CSMD1: variants seen among roughly 807,000 people sequenced by gnomAD.
CSMD1 encodes the protein CUB and Sushi multiple domains 1.
A neutral mutation model predicts 417.5 loss-of-function variants in CSMD1; 213 were observed. The ratio of observed to expected loss-of-function variants is 0.51; its 90% CI spans 0.46 to 0.57. CSMD1 has a LOEUF of 0.57. Among genes scored for constraint, CSMD1 ranks in the 20% least tolerant of loss-of-function variants. The probability of loss-of-function intolerance (pLI) is 0.00; values close to 1 mark genes in which losing one functional copy is unlikely to be tolerated. For missense variants in CSMD1, 6,923 were observed against 4,529.7 expected, an observed-to-expected ratio of 1.53 and a Z score of -15.17; for synonymous variants, 2,862 against 1,736.8, an observed-to-expected ratio of 1.65 and a Z score of -16.11.
intron 54 of CSMD1, 40 bp downstream of exon 54, chr8:2,997,971 C>T (rs950834809): frequency 1.3e-6 from 2 of 1,592,540 alleles, no homozygotes; most frequent in Non-Finnish European, 1.7e-6. Context: ...GCCTAGAACA[C>T]TCTCAGAGCA....
intron 3 of CSMD1, among the ~76,000 whole-genome samples, chr8:4,068,804 C>A (rs1223427429): frequency 1.2e-4 from 18 of 152,110 alleles, no homozygotes; most frequent in Non-Finnish European, 1.5e-5. Context: ...AAACTACTGA[C>A]ATGAATTCAT....
Position 3,108,661 on chromosome 8 carries a change from G to T in CSMD1, c.6696C>A (p.Val2232=). Residue 2232 remains valine (V), a synonymous_variant, in exon 44 of 70, where the codon GTC becomes GTA. Transcript: ENST00000635120. ...AAAAGTCGCTGTGGAACTTGAGCAG[G>T]ACTTGGTTGGTGGAGCTATACGCCG... ...LETAYSSTNQ[V]LLKFHSDFSN... 6.2e-7 allele frequency: 1 copy of T among 1,613,790 alleles called. No homozygotes were observed.
chr8:3,560,549 T>G (rs1223639645), intron 10 of CSMD1, among the ~76,000 whole-genome samples: 1 of 152,114 alleles, frequency 6.6e-6, no homozygotes, highest in African/African-American at 2.4e-5. Context: ...GCAGCTCCTC[T>G]GAGTTATAAA....
At position 4,452,975 on chromosome 8, in the gene CSMD1, T is replaced by C. The variant is rs5000539; in HGVS notation, c.303-32910A>G. ...ATTTTTCAATTTAAGCTTTTGTTTC[T>C]GGAGTTGCAGAGACTGTTTCCCACA... is the stretch of plus-strand genomic sequence containing the variant. On this transcript the variant is annotated intron_variant, in intron 2 of 69. Coordinates refer to ENST00000635120, the MANE Select transcript of CSMD1 (RefSeq NM_033225.6). Among the ~76,000 whole-genome samples, 940 of 152,286 alleles carry C rather than the reference T, an allele frequency of 6.2e-3. 9 individuals carry two copies. The highest frequency in any genetic ancestry group is 0.022 in the African/African-American group (911 of 41,540).
chr8:3,494,021 T>C (rs924136696), intron 10 of CSMD1, among the ~76,000 whole-genome samples: 3 of 152,222 alleles, frequency 2.0e-5, no homozygotes, highest in African/African-American at 7.2e-5. Context: ...AATGTTTACT[T>C]TAACATTCTC....
chr8:3,388,827 T>G (rs1258767166), intron 17 of CSMD1, among the ~76,000 whole-genome samples: 2 of 151,686 alleles, frequency 1.3e-5, no homozygotes, highest in African/African-American at 2.4e-5. Flanking sequence ...GGATATCATT[T>G]GGCTAGAAAT....
rs562296620 is a variant in CSMD1 at position 3,289,397 on chromosome 8, G to A, written c.3951-5051C>T. Among the ~76,000 whole-genome samples the A allele has an allele frequency of 2.3e-4, 34 of 147,376 alleles. 1 individual carries two copies. Among genetic ancestry groups the A allele is most frequent in the Admixed American group, 1.9e-3 (29 of 15,020 alleles). ...TCTAGTTCTAGATCCCTGAGGAATCGCCACACTGACTTCACAATGGTTGAA... is the reference window on the plus strand; with the variant it reads ...TCTAGTTCTAGATCCCTGAGGAATCACCACACTGACTTCACAATGGTTGAA... On this transcript the variant is annotated intron_variant, in intron 25 of 69. Transcript: ENST00000635120.
chr8:4,595,387 C>CTTTTTTTTTTTTTTTTTCTTTTTTTT, intron 2 of CSMD1, among the ~76,000 whole-genome samples: 2 of 147,338 alleles, frequency 1.4e-5, no homozygotes, highest in Non-Finnish European at 3.0e-5. Flanking sequence ...CATTCATTTT[C>CTTTTTTTTTTTTTTTTTCTTTTTTTT]ATTCCATCCA....
intron 25 of CSMD1, among the ~76,000 whole-genome samples, chr8:3,306,599 G>C (rs1243487554): frequency 1.3e-5 from 2 of 152,052 alleles, no homozygotes; most frequent in Non-Finnish European, 2.9e-5. Flanking sequence ...GCAGATTAAG[G>C]CTATTGGAGG....
At chr8:3,784,206 CAATAAAT>C (rs1395198188) in intron 5 of CSMD1, among the ~76,000 whole-genome samples, 1 of 152,040 alleles carries the variant, frequency 6.6e-6, no homozygotes, top group African/African-American at 2.4e-5. Context: ...GGTGGGTACC[CAATAAAT>C]AACAAATTAT....
chr8:4,199,101 G>A (rs1799503896), intron 3 of CSMD1, among the ~76,000 whole-genome samples: 1 of 152,118 alleles, frequency 6.6e-6, no homozygotes, highest in Non-Finnish European at 1.5e-5. Flanking sequence ...AGCTCACCCT[G>A]AGCTTCTGCT....
rs1291824645 is a variant in CSMD1, at chr8:3,599,157, GTGTGTC to G, written c.1098-12903_1098-12898del. Reference sequence around the variant, plus strand: ...TGTGTGTGTGTGTGTGTGTCTGTGTGTGTGTCTGTGTGTGTGTGTGTGTGAGATGAG... The same window carrying G: ...TGTGTGTGTGTGTGTGTGTCTGTGTGTGTGTGTGTGTGTGTGTGAGATGAG... On this transcript the variant is annotated intron_variant, in intron 8 of 69. Coordinates refer to ENST00000635120, the MANE Select transcript of CSMD1 (RefSeq NM_033225.6). Among the ~76,000 whole-genome samples the G allele has an allele frequency of 8.0e-4, 109 of 136,186 alleles. 1 individual carries two copies. The highest frequency in any genetic ancestry group is 3.8e-3 in the Middle Eastern group (1 of 264). The allele number at this position is 136,186 out of a possible 152,430, so 89.3% of individuals were successfully genotyped here. A position where few individuals can be genotyped will look rare whatever the true frequency, so the allele number is the denominator to read the frequency against.
chr8:3,372,782 G>C (rs545640457), intron 18 of CSMD1, among the ~76,000 whole-genome samples: 1 of 152,250 alleles, frequency 6.6e-6, no homozygotes, highest in East Asian at 1.9e-4. Context: ...TAGGTCTGGA[G>C]GCCATGGAAG....
chr8:3,316,085 C>G (rs530087490), intron 23 of CSMD1, among the ~76,000 whole-genome samples: 2 of 152,216 alleles, frequency 1.3e-5, no homozygotes, highest in South Asian at 2.1e-4. Flanking sequence ...AGTGGGGGAA[C>G]TTGGGGCAAG....
At chr8:3,202,109 A>G (rs555668085) in intron 31 of CSMD1, among the ~76,000 whole-genome samples, 3 of 152,290 alleles carry the variant, frequency 2.0e-5, no homozygotes, top group Non-Finnish European at 2.9e-5. Context: ...CGAAGGTTGC[A>G]ATGAGCTGAG....
chr8:4,654,186 C>A (rs1804081764), intron 1 of CSMD1, among the ~76,000 whole-genome samples: 1 of 152,098 alleles, frequency 6.6e-6, no homozygotes. Context: ...TTGACCTACT[C>A]TTCTGGAGTA....
At chr8:3,823,976 G>A (rs140404832) in intron 5 of CSMD1, among the ~76,000 whole-genome samples, 1 of 152,046 alleles carries the variant, frequency 6.6e-6, no homozygotes, top group African/African-American at 2.4e-5. Context: ...TTTTCAAATA[G>A]TTCTGAAACC....
chr8:2,998,978 A>G lies in CSMD1; in HGVS notation c.8204-794T>C, dbSNP rs147129476. On this transcript the variant is annotated intron_variant, in intron 53 of 69. Coordinates refer to ENST00000635120, the MANE Select transcript of CSMD1 (RefSeq NM_033225.6). ...TGTTTTATCCACATTTCTTTTGTCT[A>G]CTTCATAGGAAAATATACAATATTT... Among the ~76,000 whole-genome samples the G allele has an allele frequency of 8.7e-4, 133 of 152,264 alleles. 2 individuals carry two copies. The highest frequency in any genetic ancestry group is 3.1e-3 in the African/African-American group (127 of 41,542).
At chr8:4,994,283 G>A (rs1246105804) in intron 1 of CSMD1, 49 bp downstream of exon 1, 4 of 1,547,338 alleles carry the variant, frequency 2.6e-6, no homozygotes, top group Non-Finnish European at 2.7e-6. Flanking sequence ...CGCACACGGG[G>A]CCTCCGAGGG....
Sources: gnomAD v4.1 joint callset for allele counts (sites outside exome capture counted in the v4.1 genomes callset) on GRCh38, gnomAD v4.1.1 for gene constraint, MANE v1.5 for transcripts, NCBI Gene and HGNC (gene_info 2026-07-23, HGNC 2026-07-21) for gene names.